The following HDAC9 variants were observed in gnomAD, a reference collection of about 807,000 sequenced individuals.
HDAC9 encodes histone deacetylase 9, also known as MEF-2 interacting transcription repressor (MITR) protein.
HDAC9 carries 41 observed loss-of-function variants against 139.4 expected under a neutral mutation model. That is an observed-to-expected ratio of 0.29 (90% CI 0.23 to 0.38). The LOEUF (loss-of-function observed/expected upper bound fraction) is 0.38. Ranked by LOEUF, HDAC9 falls within the 10% of genes least tolerant of loss-of-function variation. HDAC9 has a pLI of 1.00. For missense variants in HDAC9, 1,147 were observed against 1,297.0 expected, an observed-to-expected ratio of 0.88 and a Z score of 1.78; for synonymous variants, 517 against 476.2, an observed-to-expected ratio of 1.09 and a Z score of -1.12.
At chr7:18,887,005 G>C (rs1333166546) in intron 22 of HDAC9, among the ~76,000 whole-genome samples, 2 of 152,174 alleles carry the variant, frequency 1.3e-5, no homozygotes. Flanking sequence ...TAATGTCATG[G>C]CCTGGTGCCA....
At chr7:18,215,563 A>G (rs1198282802) in intron 2 of HDAC9, among the ~76,000 whole-genome samples, 1 of 152,166 alleles carries the variant, frequency 6.6e-6, no homozygotes, top group Non-Finnish European at 1.5e-5. Context: ...AAATGATTTT[A>G]TGTGGCAGTG....
chr7:18,903,871 A>G (rs1191510087), intron 22 of HDAC9, among the ~76,000 whole-genome samples: 1 of 152,150 alleles, frequency 6.6e-6, no homozygotes, highest in Non-Finnish European at 1.5e-5. Context: ...TATTTTATCA[A>G]TCTGGAGTCA....
intron 17 of HDAC9, among the ~76,000 whole-genome samples, chr7:18,807,606 T>C (rs902527098): frequency 2.6e-5 from 4 of 152,188 alleles, no homozygotes; most frequent in African/African-American, 9.6e-5. Flanking sequence ...TTTTGCTGCA[T>C]CCCTTGTTTT....
chr7:18,152,547 T>G (rs1004351415), intron 1 of HDAC9, among the ~76,000 whole-genome samples: 5 of 152,226 alleles, frequency 3.3e-5, no homozygotes, highest in African/African-American at 1.2e-4. Context: ...GTCCTAAAGA[T>G]TCTGATTCAG....
chr7:18,729,352 G>T (rs567988666), intron 13 of HDAC9, among the ~76,000 whole-genome samples: 1 of 151,888 alleles, frequency 6.6e-6, no homozygotes, highest in South Asian at 2.1e-4. Flanking sequence ...TAACTACAAA[G>T]TTTCCTGTTG....
At chr7:18,668,282 C>A (rs1795385940) in intron 12 of HDAC9, 1 of 960,910 alleles carries the variant, frequency 1.0e-6, no homozygotes. Flanking sequence ...CTATCACCAA[C>A]ATATTTTGGT....
chr7:18,794,906 A>G (rs534217687), intron 17 of HDAC9, among the ~76,000 whole-genome samples: 13 of 152,288 alleles, frequency 8.5e-5, no homozygotes, highest in African/African-American at 3.1e-4. Flanking sequence ...AGCTTTCACA[A>G]TTTCTAATTG....
At chr7:18,735,065 C>A (rs1362308032) in intron 13 of HDAC9, among the ~76,000 whole-genome samples, 1 of 152,178 alleles carries the variant, frequency 6.6e-6, no homozygotes, top group East Asian at 1.9e-4. Context: ...ATATCCTTCA[C>A]CCACTTTTTG....
chr7:18,221,210 A>T (rs929124252), intron 2 of HDAC9, among the ~76,000 whole-genome samples: 1 of 150,850 alleles, frequency 6.6e-6, no homozygotes, highest in African/African-American at 2.5e-5. Flanking sequence ...GGTTCAAGCG[A>T]TTCTCCTGCC....
chr7:18,509,715 C>G (rs895750733), intron 2 of HDAC9, among the ~76,000 whole-genome samples: 8 of 152,164 alleles, frequency 5.3e-5, no homozygotes, highest in African/African-American at 1.9e-4. Flanking sequence ...CCCCTCACCT[C>G]TGTAATATTA....
chr7:18,434,441 A>C (rs1790983045), intron 1 of HDAC9, among the ~76,000 whole-genome samples: 1 of 152,262 alleles, frequency 6.6e-6, no homozygotes. Flanking sequence ...GCATAGCAAA[A>C]GACAGTATCG....
chr7:18,369,245 A>G (rs958450516), intron 1 of HDAC9, among the ~76,000 whole-genome samples: 1 of 152,140 alleles, frequency 6.6e-6, no homozygotes, highest in East Asian at 1.9e-4. Flanking sequence ...TCAATGTAAC[A>G]GCAGAATAGT....
intron 24 of HDAC9, among the ~76,000 whole-genome samples, chr7:18,963,643 C>T (rs565963551): frequency 7.2e-5 from 11 of 152,170 alleles, no homozygotes; most frequent in Non-Finnish European, 1.5e-4. Context: ...CCCACTAAAA[C>T]AATAACAGAG....
chr7:18,523,325 C>G (rs1805683568), intron 2 of HDAC9, among the ~76,000 whole-genome samples: 1 of 152,152 alleles, frequency 6.6e-6, no homozygotes. Context: ...ATCACATAAC[C>G]TCTAACTATT....
intron 17 of HDAC9, among the ~76,000 whole-genome samples, chr7:18,823,558 C>T (rs1795145632): frequency 6.6e-6 from 1 of 152,086 alleles, no homozygotes; most frequent in Non-Finnish European, 1.5e-5. Flanking sequence ...ATGTCTGTGC[C>T]TCCCCAAAAT....
At chr7:18,637,697 G>T (rs1240449121) in intron 8 of HDAC9, among the ~76,000 whole-genome samples, 2 of 152,014 alleles carry the variant, frequency 1.3e-5, no homozygotes. Context: ...AAAAGGCCAG[G>T]TGGGCAGACC....
At position 18,221,206 on chromosome 7, in the gene HDAC9, A is replaced by G. The variant is rs149022776; in HGVS notation, c.25+58857A>G. Among the ~76,000 whole-genome samples, 662 of 151,452 alleles carry G rather than the reference A, an allele frequency of 4.4e-3. 19 individuals carry two copies. In the East Asian group the frequency reaches 0.09, roughly 21 times the overall value. ...CAACCTCCTCCGCCTCCCAGGTTCA[A>G]GCGATTCTCCTGCCTCAACCTCCAG... On this transcript the variant is annotated intron_variant, in intron 2 of 12. Coordinates refer to the HDAC9 transcript ENST00000417496.
intron 21 of HDAC9, among the ~76,000 whole-genome samples, chr7:18,843,833 T>G (rs1232621975): frequency 2.0e-5 from 3 of 152,138 alleles, no homozygotes; most frequent in African/African-American, 7.2e-5. Flanking sequence ...GCTAGATAAA[T>G]ATAATGGCTT....
intron 21 of HDAC9, 144 bp downstream of exon 21, chr7:18,836,141 G>A (rs542452108): frequency 1.9e-5 from 10 of 531,674 alleles, no homozygotes; most frequent in African/African-American, 9.7e-5. Flanking sequence ...AAGAAGAAAA[G>A]ATCTATCAAG....
Sources: gnomAD v4.1 joint callset for allele counts (sites outside exome capture counted in the v4.1 genomes callset) on GRCh38, gnomAD v4.1.1 for gene constraint, MANE v1.5 for transcripts, NCBI Gene and HGNC (gene_info 2026-07-23, HGNC 2026-07-21) for gene names.